RB1: variants seen among roughly 807,000 people sequenced by gnomAD.
The protein encoded by RB1 is retinoblastoma-associated protein.
In RB1, 18 loss-of-function variants were observed where a neutral mutation model predicts 135.4. The observed-to-expected ratio is 0.13, with a 90% CI of 0.09 to 0.20. The LOEUF (loss-of-function observed/expected upper bound fraction) is 0.20, where lower values mean the gene tolerates loss of function less well. RB1 is among the 10% of genes least tolerant of loss of function. The pLI, the probability that RB1 is intolerant of heterozygous loss-of-function variation, is 1.00. For synonymous variants in RB1, 365 were observed against 373.2 expected (o/e 0.98, Z 0.25); for missense variants, 868 against 1,110.0 (o/e 0.78, Z 3.10).
chr13:48,475,672 C>T (rs368220797), intron 24 of RB1, among the ~76,000 whole-genome samples: 1 of 152,170 alleles, frequency 6.6e-6, no homozygotes, highest in Non-Finnish European at 1.5e-5. Flanking sequence ...CTAGCCCACA[C>T]ACGAGGGGAG....
At chr13:48,432,329 C>T (rs1949138409) in intron 17 of RB1, among the ~76,000 whole-genome samples, 2 of 152,108 alleles carry the variant, frequency 1.3e-5, no homozygotes, top group African/African-American at 4.8e-5. Flanking sequence ...ATAGAAATTT[C>T]TAAACAGTAT....
chr13:48,480,671 T>G lies in RB1; in HGVS notation c.*600T>G. ...TGGAATCTGATATACTGTGTGCTTG[T>G]TTTATAAAATTTTGCTTTTAATTAA... On this transcript the variant is annotated 3_prime_UTR_variant, in exon 27 of 27. Coordinates refer to ENST00000267163, the MANE Select transcript of RB1 (RefSeq NM_000321.3). The G allele has an allele frequency of 4.4e-6, 1 of 225,620 alleles. No individual in the cohort carries two copies. 14.0% of individuals were successfully genotyped at this position (225,620 alleles called of 1,614,324 possible). A position where few individuals can be genotyped will look rare whatever the true frequency, so the allele number is the denominator to read the frequency against.
chr13:48,481,246 C>T lies in RB1; in HGVS notation c.*1175C>T, dbSNP rs1949536763. ...CCACATTATTTCTAGTCCAAAATTA[C>T]AAGTAATCAAGGGTCATTATGGGTT... On this transcript the variant is annotated 3_prime_UTR_variant, in exon 27 of 27. Transcript: ENST00000267163. The T allele has an allele frequency of 4.3e-6, 1 of 231,568 alleles. No individual in the cohort carries two copies. Among genetic ancestry groups the T allele is most frequent in the Admixed American group, 5.6e-5 (1 of 17,724 alleles). The allele number at this position is 231,568 out of a possible 1,614,324, so 14.3% of individuals were successfully genotyped here. A position where few individuals can be genotyped will look rare whatever the true frequency, so the allele number is the denominator to read the frequency against.
At chr13:48,423,798 T>C (rs1949042566) in intron 17 of RB1, among the ~76,000 whole-genome samples, 1 of 152,178 alleles carries the variant, frequency 6.6e-6, no homozygotes, top group African/African-American at 2.4e-5. Context: ...TAGTCGAAGC[T>C]ACTCTAGAGG....
chr13:48,423,184 A>C (rs966179113), intron 17 of RB1, among the ~76,000 whole-genome samples: 2 of 152,186 alleles, frequency 1.3e-5, no homozygotes, highest in African/African-American at 4.8e-5. Flanking sequence ...TCATTATGTA[A>C]TGCATCGGTT....
intron 3 of RB1, among the ~76,000 whole-genome samples, 168 bp from the exon 4 acceptor site, chr13:48,344,912 A>C (rs1952478664): frequency 6.6e-6 from 1 of 152,242 alleles, no homozygotes; most frequent in African/African-American, 2.4e-5. Flanking sequence ...ATAGAGGTGT[A>C]AGTTGAAGGC....
intron 17 of RB1, among the ~76,000 whole-genome samples, chr13:48,387,640 A>G (rs549000109): frequency 6.6e-6 from 1 of 152,310 alleles, no homozygotes; most frequent in South Asian, 2.1e-4. Context: ...AGTCAATTTT[A>G]TAACACTTTT....
At chr13:48,401,897 AG>A (rs1948695347) in intron 17 of RB1, among the ~76,000 whole-genome samples, 1 of 152,216 alleles carries the variant, frequency 6.6e-6, no homozygotes, top group Non-Finnish European at 1.5e-5. Context: ...AATTCTTCAA[AG>A]ACTAACATAA....
intron 10 of RB1, among the ~76,000 whole-genome samples, 176 bp downstream of exon 10, chr13:48,367,779 A>T (rs974936615): frequency 7.2e-5 from 11 of 152,172 alleles, no homozygotes; most frequent in Non-Finnish European, 1.6e-4. Flanking sequence ...CTTATCTACA[A>T]ATATAGATTT....
At chr13:48,402,770 CAT>C (rs1282674050) in intron 17 of RB1, among the ~76,000 whole-genome samples, 1 of 152,044 alleles carries the variant, frequency 6.6e-6, no homozygotes, top group Non-Finnish European at 1.5e-5. Flanking sequence ...TATATTGAAT[CAT>C]GTGTGTTTCA....
chr13:48,431,940 G>A (rs1283350121), intron 17 of RB1, among the ~76,000 whole-genome samples: 1 of 152,048 alleles, frequency 6.6e-6, no homozygotes, highest in Non-Finnish European at 1.5e-5. Flanking sequence ...TGTGTACCAG[G>A]TGCTTTTCTA....
At chr13:48,333,621 T>C (rs1053160854) in intron 2 of RB1, among the ~76,000 whole-genome samples, 6 of 152,012 alleles carry the variant, frequency 3.9e-5, no homozygotes, top group Non-Finnish European at 7.4e-5. Context: ...ACTTACCAGT[T>C]TGCTATTAAT....
intron 2 of RB1, among the ~76,000 whole-genome samples, chr13:48,313,745 C>CTTTTTTTTTTT (rs56131979): frequency 2.9e-5 from 3 of 101,962 alleles, no homozygotes; most frequent in African/African-American, 3.8e-5. Context: ...TATGTTTATT[C>CTTTTTTTTTTT]TTTTTTTTTT....
chr13:48,318,552 T>A (rs1329374738), intron 2 of RB1: 4 of 736,344 alleles, frequency 5.4e-6, no homozygotes, highest in Non-Finnish European at 8.9e-6. Flanking sequence ...TCCCGGGACC[T>A]CGCTGGCTTT....
intron 17 of RB1, among the ~76,000 whole-genome samples, chr13:48,425,169 TGAG>T (rs1949062019): frequency 6.6e-6 from 1 of 152,238 alleles, no homozygotes. Context: ...AAGAGCTTCT[TGAG>T]GAGATGATGT....
chr13:48,419,139 T>TAA (rs1305959872), intron 17 of RB1, among the ~76,000 whole-genome samples: 5 of 152,038 alleles, frequency 3.3e-5, no homozygotes, highest in African/African-American at 1.2e-4. Context: ...TGATTGGGAG[T>TAA]AAAACACTCC....
In RB1 at chr13:48,381,398, A is replaced by C. The variant is rs1347506622; in HGVS notation, c.1650A>C (p.Leu550Phe). ...GNLTREMIKHLERCEHRIMES... is the reference protein window; with the variant it reads ...GNLTREMIKHFERCEHRIMES... ...TGACAAGAGAAATGATAAAACATTT[A>C]GAACGATGTGAACATCGAATCATGG... Residue 550 changes from leucine (L) to phenylalanine (F), a missense_variant, in exon 17 of 27, where the codon TTA becomes TTC. Around this residue, in one of 3 missense-constraint regions of RB1, gnomAD observed 641 missense variants for 791.3 expected, o/e 0.81. Transcript: ENST00000267163. 6.2e-7 allele frequency: 1 copy of C among 1,613,672 alleles called. No individual in the cohort carries two copies. The highest frequency in any genetic ancestry group is 8.5e-7 in the Non-Finnish European group (1 of 1,179,802).
At chr13:48,436,791 T>G (rs114961188) in intron 17 of RB1, among the ~76,000 whole-genome samples, 1 of 152,240 alleles carries the variant, frequency 6.6e-6, no homozygotes, top group Non-Finnish European at 1.5e-5. Context: ...TTTTCTATTC[T>G]AGTTTCCTCT....
chr13:48,451,291 GA>G (rs1281307754), intron 17 of RB1, among the ~76,000 whole-genome samples: 1 of 151,838 alleles, frequency 6.6e-6, no homozygotes, highest in East Asian at 1.9e-4. Flanking sequence ...GGCTCTTTGA[GA>G]TACATTCCTT....
Sources: gnomAD v4.1 joint callset for allele counts (sites outside exome capture counted in the v4.1 genomes callset) on GRCh38, gnomAD v4.1.1 for gene constraint, gnomAD v4.1.1 regional missense constraint, MANE v1.5 for transcripts, NCBI Gene and HGNC (gene_info 2026-07-23, HGNC 2026-07-21) for gene names.